The following HMGCLL1 variants were observed in gnomAD, a reference collection of about 807,000 sequenced individuals.
HMGCLL1 encodes 3-hydroxy-3-methylglutaryl-CoA lyase like 1, also known as 3-hydroxymethyl-3-methylglutaryl-CoA lyase, cytoplasmic.
A neutral mutation model predicts 39.1 loss-of-function variants in HMGCLL1; 36 were observed. That is an observed-to-expected ratio of 0.92 (90% CI 0.71 to 1.22). The LOEUF (loss-of-function observed/expected upper bound fraction) is 1.22, where lower values mean the gene tolerates loss of function less well. HMGCLL1 is among the 50% of genes most tolerant of loss of function. HMGCLL1 has a pLI of 0.00. For missense variants in HMGCLL1, 451 were observed against 416.5 expected (o/e 1.08, Z -0.72); for synonymous variants, 149 against 144.0 (o/e 1.03, Z -0.25).
the HMGCLL1 span, among the ~76,000 whole-genome samples, chr6:55,645,078 G>A: frequency 6.6e-6 from 1 of 151,734 alleles, no homozygotes; most frequent in Non-Finnish European, 1.5e-5. Flanking sequence ...TCTTTCATCA[G>A]TGTTTCATAG....
intron 6 of HMGCLL1, 44 bp downstream of exon 6, chr6:55,499,192 A>T: frequency 6.9e-7 from 1 of 1,444,970 alleles, no homozygotes; most frequent in Non-Finnish European, 9.6e-7. Context: ...AAAATAATAT[A>T]TATCATGTTA....
At chr6:55,450,103 A>G (rs1166287526) in intron 7 of HMGCLL1, among the ~76,000 whole-genome samples, 1 of 152,192 alleles carries the variant, frequency 6.6e-6, no homozygotes, top group Admixed American at 6.5e-5. Flanking sequence ...GAGAAAGAAG[A>G]TGAGTTAATG....
chr6:55,436,037 G>A (rs2127376908), intron 8 of HMGCLL1, among the ~76,000 whole-genome samples: 1 of 151,874 alleles, frequency 6.6e-6, no homozygotes, highest in South Asian at 2.1e-4. Context: ...ATTCAGGCTG[G>A]TATCTAGAGT....
intron 7 of HMGCLL1, among the ~76,000 whole-genome samples, chr6:55,486,560 A>T (rs1188611221): frequency 1.3e-5 from 2 of 152,102 alleles, no homozygotes; most frequent in African/African-American, 4.8e-5. Context: ...TGGAAAGATC[A>T]ATATTTTAAT....
At chr6:55,450,049 G>T (rs1764015960) in intron 7 of HMGCLL1, among the ~76,000 whole-genome samples, 4 of 152,148 alleles carry the variant, frequency 2.6e-5, no homozygotes, top group Admixed American at 2.0e-4. Flanking sequence ...AATGGCAGAG[G>T]TTCAAATCCT....
At chr6:55,476,747 C>G (rs1765305110) in intron 7 of HMGCLL1, among the ~76,000 whole-genome samples, 1 of 151,488 alleles carries the variant, frequency 6.6e-6, no homozygotes, top group African/African-American at 2.4e-5. Flanking sequence ...TTTAATATGT[C>G]ACTAAATTCC....
intron 5 of HMGCLL1, among the ~76,000 whole-genome samples, chr6:55,501,301 T>C (rs1016272227): frequency 6.6e-5 from 10 of 151,918 alleles, no homozygotes; most frequent in African/African-American, 1.9e-4. Context: ...TCCTGCCTAT[T>C]ACTCTTTTAA....
chr6:55,495,398 C>T, intron 7 of HMGCLL1, 21 bp downstream of exon 7: 2 of 1,594,890 alleles, frequency 1.3e-6, no homozygotes, highest in Non-Finnish European at 1.7e-6. Flanking sequence ...ACACACATAA[C>T]ACACAAAGAG....
At chr6:55,632,749 T>C in the HMGCLL1 span, among the ~76,000 whole-genome samples, 2 of 152,092 alleles carry the variant, frequency 1.3e-5, no homozygotes, top group East Asian at 3.9e-4. Context: ...GTAAAATATT[T>C]GCATTAAAGG....
At chr6:55,602,512 T>C in the HMGCLL1 span, among the ~76,000 whole-genome samples, 1 of 152,068 alleles carries the variant, frequency 6.6e-6, no homozygotes, top group African/African-American at 2.4e-5. Context: ...ACTAAAAATT[T>C]GCAACTTCTG....
At chr6:55,494,834 AAC>A (rs1280684838) in intron 7 of HMGCLL1, among the ~76,000 whole-genome samples, 7 of 152,236 alleles carry the variant, frequency 4.6e-5, no homozygotes, top group African/African-American at 9.6e-5. Context: ...CATTTAAAAT[AAC>A]ACAGAGTATA....
chr6:55,510,713 G>A (rs953099115), intron 5 of HMGCLL1, among the ~76,000 whole-genome samples: 3 of 150,630 alleles, frequency 2.0e-5, no homozygotes, highest in Non-Finnish European at 4.4e-5. Context: ...AATGGGTGCA[G>A]CACACCAGCA....
At chr6:55,477,882 G>C (rs1765540569) in intron 7 of HMGCLL1, among the ~76,000 whole-genome samples, 1 of 150,908 alleles carries the variant, frequency 6.6e-6, no homozygotes, top group Non-Finnish European at 1.5e-5. Context: ...TTCACATACT[G>C]TTCTTATATG....
At chr6:55,661,159 A>G in the HMGCLL1 span, among the ~76,000 whole-genome samples, 1 of 151,762 alleles carries the variant, frequency 6.6e-6, no homozygotes. Context: ...TGCTCACTCT[A>G]TAGGTTGTCT....
chr6:55,624,045 G>A, the HMGCLL1 span, among the ~76,000 whole-genome samples: 4 of 152,142 alleles, frequency 2.6e-5, no homozygotes, highest in Non-Finnish European at 5.9e-5. Flanking sequence ...TTCAGAGCCA[G>A]TGTCCAGTAG....
chr6:55,593,295 T>G, the HMGCLL1 span, among the ~76,000 whole-genome samples: 1 of 152,192 alleles, frequency 6.6e-6, no homozygotes, highest in Admixed American at 6.5e-5. Flanking sequence ...TAGAAAATGT[T>G]TATTTTTTAG....
the HMGCLL1 span, among the ~76,000 whole-genome samples, chr6:55,608,923 G>A: frequency 6.6e-6 from 1 of 152,164 alleles, no homozygotes; most frequent in Admixed American, 6.5e-5. Flanking sequence ...TGTGACCCAC[G>A]GAGAGGAGAG....
At chr6:55,538,464 A>C (rs1769154377) in intron 3 of HMGCLL1, among the ~76,000 whole-genome samples, 1 of 152,140 alleles carries the variant, frequency 6.6e-6, no homozygotes, top group African/African-American at 2.4e-5. Flanking sequence ...AATGTCTAGA[A>C]CTCTCTTAAA....
intron 7 of HMGCLL1, among the ~76,000 whole-genome samples, chr6:55,477,182 TTTATATA>T (rs1561904042): frequency 8.6e-5 from 2 of 23,288 alleles, no homozygotes; most frequent in African/African-American, 6.2e-4. Context: ...ATATATTATA[TTTATATA>T]TTATATATTA....
Sources: allele counts gnomAD v4.1 joint callset (sites outside exome capture counted in the v4.1 genomes callset), GRCh38; gene constraint gnomAD v4.1.1; transcripts MANE v1.5; gene names NCBI Gene and HGNC (gene_info 2026-07-23, HGNC 2026-07-21).